LMBRD2: variants seen among roughly 807,000 people sequenced by gnomAD.
LMBRD2 encodes LMBR1 domain containing 2, also known as G protein-coupled receptor-associated protein LMBRD2.
LMBRD2 carries 55 observed loss-of-function variants against 94.4 expected under a neutral mutation model. The ratio of observed to expected loss-of-function variants is 0.58; its 90% CI spans 0.47 to 0.73. The LOEUF is 0.73. Ranked by LOEUF, LMBRD2 falls within the 30% of genes least tolerant of loss-of-function variation. The pLI, the probability that LMBRD2 is intolerant of heterozygous loss-of-function variation, is 0.00. For missense variants in LMBRD2, 640 were observed against 831.9 expected (o/e 0.77, Z 2.84); for synonymous variants, 246 against 272.4 (o/e 0.90, Z 0.95).
Position 36,136,562 on chromosome 5 carries a change from A to G in LMBRD2, c.537-43T>C, listed in dbSNP as rs775501729. On this transcript the variant is annotated intron_variant, in intron 5 of 17. Coordinates refer to ENST00000296603, the MANE Select transcript of LMBRD2 (RefSeq NM_001007527.2). ...CAGATAATATGTATATTTTAATGGA[A>G]AGATAAAATGCGACTGCATAAATAG... 2.6e-6 allele frequency: 4 copies of G among 1,549,952 alleles called. No individual in the cohort carries two copies. In the Admixed American group the frequency reaches 6.7e-5, roughly 26 times the overall value.
At chr5:36,142,861 A>T in intron 2 of LMBRD2, 1 of 378,206 alleles carries the variant, frequency 2.6e-6, no homozygotes, top group South Asian at 3.2e-5. Context: ...AGTAGCTGGG[A>T]CTACAGGCGT....
chr5:36,133,441 G>T (rs1413534464), intron 6 of LMBRD2, among the ~76,000 whole-genome samples: 4 of 151,962 alleles, frequency 2.6e-5, no homozygotes, highest in African/African-American at 9.6e-5. Context: ...GATAGAACAG[G>T]GTGACTACAG....
Position 36,119,999 on chromosome 5 carries a change from CTCTT to C in LMBRD2, c.1121-2087_1121-2084del, listed in dbSNP as rs763487664. Among the ~76,000 whole-genome samples the C allele has an allele frequency of 2.5e-4, 36 of 142,668 alleles. 1 individual carries two copies. The highest frequency in any genetic ancestry group is 2.1e-3 in the South Asian group (10 of 4,706). 93.6% of individuals were successfully genotyped at this position (142,668 alleles called of 152,430 possible). On this transcript the variant is annotated intron_variant, in intron 9 of 17. Transcript: ENST00000296603. ...ATTCTATGAATTTTTTCTTTTCTTT[CTCTT>C]TCTTTCTTTCTCTCTTTCTTTCTTT...
chr5:36,119,405 C>G (rs1743834694), intron 9 of LMBRD2, among the ~76,000 whole-genome samples: 1 of 10,414 alleles, frequency 9.6e-5, no homozygotes, highest in Middle Eastern at 0.042. Context: ...TCAATTTATT[C>G]TATCACATTT....
chr5:36,120,597 A>G (rs1278240745), intron 9 of LMBRD2, among the ~76,000 whole-genome samples: 1 of 151,966 alleles, frequency 6.6e-6, no homozygotes, highest in African/African-American at 2.4e-5. Context: ...ACATGTGATA[A>G]TTTCTCTTGA....
Position 36,122,266 on chromosome 5 carries a change from A to G in LMBRD2, c.1120+14T>C, listed in dbSNP as rs2111872588. The G allele has an allele frequency of 6.5e-7, 1 of 1,540,534 alleles. No individual in the cohort carries two copies. The highest frequency in any genetic ancestry group is 1.2e-5 in the South Asian group (1 of 81,154). ...TTCATCATTAAAGTTTGAAATTTATATCAAATTACATACCAAATGTAGGAT... is the reference window on the plus strand; with the variant it reads ...TTCATCATTAAAGTTTGAAATTTATGTCAAATTACATACCAAATGTAGGAT... On this transcript the variant is annotated intron_variant, in intron 9 of 17. Transcript: ENST00000296603.
At chr5:36,126,751 A>G (rs1259469958) in intron 6 of LMBRD2, among the ~76,000 whole-genome samples, 1 of 152,256 alleles carries the variant, frequency 6.6e-6, no homozygotes, top group East Asian at 1.9e-4. Flanking sequence ...TAAAAATACC[A>G]AACAGTTTTT....
chr5:36,124,924 C>CTAAATAAA (rs548731318), intron 6 of LMBRD2, among the ~76,000 whole-genome samples: 24 of 151,250 alleles, frequency 1.6e-4, no homozygotes, highest in Non-Finnish European at 2.8e-4. Flanking sequence ...AACCTGGTCT[C>CTAAATAAA]TAAATAAATA....
chr5:36,103,097 C>T lies in LMBRD2; in HGVS notation c.*949G>A, dbSNP rs925754067. 6.6e-6 allele frequency: 1 copy of T among 152,142 alleles called. No homozygotes were observed. The highest frequency in any genetic ancestry group is 2.4e-5 in the African/African-American group (1 of 41,404). The allele number at this position is 152,142 out of a possible 1,614,324, so 9.4% of individuals were successfully genotyped here. A position where few individuals can be genotyped will look rare whatever the true frequency, so the allele number is the denominator to read the frequency against. On this transcript the variant is annotated 3_prime_UTR_variant, in exon 18 of 18. Coordinates refer to ENST00000296603, the MANE Select transcript of LMBRD2 (RefSeq NM_001007527.2). ...TTTCTATAAACCACGATTTAAGTAT[C>T]AGTAATAACAGTAAATGGATTCACT...
chr5:36,136,219 A>T, intron 6 of LMBRD2, 90 bp downstream of exon 6: 1 of 1,184,530 alleles, frequency 8.4e-7, no homozygotes. Context: ...AAGCCCATCA[A>T]TGCACTAACA....
intron 1 of LMBRD2, among the ~76,000 whole-genome samples, chr5:36,145,827 AAAT>A (rs1291769000): frequency 6.6e-6 from 1 of 152,226 alleles, no homozygotes. Flanking sequence ...GTAGTATAAG[AAAT>A]AATGTTTGTT....
chr5:36,151,232 C>A lies in LMBRD2; in HGVS notation c.-58+324G>T, dbSNP rs143324525. Among the ~76,000 whole-genome samples, 1 of 152,214 alleles carries A rather than the reference C, an allele frequency of 6.6e-6. No homozygotes were observed. Among genetic ancestry groups the A allele is most frequent in the East Asian group, 1.9e-4 (1 of 5,194 alleles). On this transcript the variant is annotated intron_variant, in intron 1 of 17. Transcript: ENST00000296603. The surrounding 1 kb of genome is among the most constrained non-coding windows in gnomAD (Gnocchi z 4.7). ...AGCAACCAAATGGCTTTGCTGGAGG[C>A]CCCCTGCGTGCACGGGTAAAGCTCG...
At chr5:36,143,041 A>G in intron 2 of LMBRD2, 135 bp downstream of exon 2, 2 of 698,812 alleles carry the variant, frequency 2.9e-6, no homozygotes, top group Non-Finnish European at 4.7e-6. Flanking sequence ...TATGCTTTTT[A>G]ATGATCAAAT....
chr5:36,107,722 T>C (rs1743505138), intron 16 of LMBRD2, among the ~76,000 whole-genome samples: 1 of 152,224 alleles, frequency 6.6e-6, no homozygotes, highest in Non-Finnish European at 1.5e-5. Context: ...TGCATGGATA[T>C]GGATATGCCA....
chr5:36,140,065 A>G (rs756865039), intron 4 of LMBRD2, among the ~76,000 whole-genome samples: 5 of 152,182 alleles, frequency 3.3e-5, no homozygotes, highest in Non-Finnish European at 5.9e-5. Flanking sequence ...TCCCCAAGCT[A>G]GGGCTGTGAC....
intron 7 of LMBRD2, 56 bp from the exon 8 acceptor site, chr5:36,123,017 T>A: frequency 7.3e-7 from 1 of 1,372,948 alleles, no homozygotes; most frequent in Non-Finnish European, 9.5e-7. Context: ...AGATAAAAAT[T>A]TATTTTTATT....
chr5:36,137,220 T>A, intron 5 of LMBRD2, 54 bp downstream of exon 5: 2 of 1,225,350 alleles, frequency 1.6e-6, no homozygotes, highest in Non-Finnish European at 2.2e-6. Flanking sequence ...AAAAATGATT[T>A]TTTAAAAATG....
At chr5:36,113,120 G>A (rs1016507412) in intron 13 of LMBRD2, among the ~76,000 whole-genome samples, 2 of 152,126 alleles carry the variant, frequency 1.3e-5, no homozygotes, top group Admixed American at 6.5e-5. Flanking sequence ...GAATCCACAG[G>A]CAGATAACCC....
At chr5:36,131,397 T>C (rs1000183908) in intron 6 of LMBRD2, among the ~76,000 whole-genome samples, 3 of 151,942 alleles carry the variant, frequency 2.0e-5, no homozygotes, top group African/African-American at 7.2e-5. Context: ...TGGGGAAAAA[T>C]TGAAAGCCTT....
Sources: gnomAD v4.1 joint callset for allele counts (sites outside exome capture counted in the v4.1 genomes callset) on GRCh38, gnomAD v4.1.1 for gene constraint, Gnocchi (gnomAD v3.1) non-coding constraint, MANE v1.5 for transcripts, NCBI Gene and HGNC (gene_info 2026-07-23, HGNC 2026-07-21) for gene names.